The following GABRG3 variants were observed in gnomAD, a reference collection of about 807,000 sequenced individuals.
GABRG3 encodes the protein gamma-aminobutyric acid type A receptor subunit gamma3, also known as gamma-aminobutyric acid receptor subunit gamma-3.
A neutral mutation model predicts 48.8 loss-of-function variants in GABRG3; 25 were observed. That is an observed-to-expected ratio of 0.51 (90% confidence interval 0.37 to 0.72). The LOEUF (loss-of-function observed/expected upper bound fraction) is 0.72. GABRG3 is among the 30% of genes least tolerant of loss of function. GABRG3 has a pLI of 0.00. For synonymous variants in GABRG3, 227 were observed against 217.6 expected (o/e 1.04, Z -0.38); for missense variants, 394 against 577.9 (o/e 0.68, Z 3.26).
At chr15:27,370,615 G>C (rs77051027) in intron 5 of GABRG3, among the ~76,000 whole-genome samples, 3,122 of 152,266 alleles carry the variant, frequency 0.021, 105 homozygotes, top group African/African-American at 0.071. Flanking sequence ...CCACCTCAGA[G>C]GAGGAGTAGG....
At chr15:27,513,072 C>T (rs1272899242) in intron 6 of GABRG3, among the ~76,000 whole-genome samples, 1 of 151,684 alleles carries the variant, frequency 6.6e-6, no homozygotes, top group African/African-American at 2.4e-5. Context: ...GAAACATAGA[C>T]AGAGATGAAA....
intron 3 of GABRG3, among the ~76,000 whole-genome samples, chr15:27,132,869 A>G (rs951123159): frequency 3.3e-5 from 5 of 150,348 alleles, no homozygotes; most frequent in African/African-American, 1.2e-4. Flanking sequence ...TTCTTTTTCC[A>G]GTTCCTTAGA....
intron 3 of GABRG3, among the ~76,000 whole-genome samples, chr15:27,054,197 C>G (rs1267648628): frequency 6.6e-6 from 1 of 151,614 alleles, no homozygotes; most frequent in African/African-American, 2.4e-5. Context: ...CGAGATCGCA[C>G]CACTATACTC....
chr15:27,220,091 T>C (rs1489890103), intron 3 of GABRG3, among the ~76,000 whole-genome samples: 3 of 152,142 alleles, frequency 2.0e-5, no homozygotes, highest in African/African-American at 7.2e-5. Context: ...GATGGGCAGC[T>C]CACACCTAAC....
intron 5 of GABRG3, among the ~76,000 whole-genome samples, chr15:27,431,787 T>C (rs1566838072): frequency 6.6e-6 from 1 of 152,236 alleles, no homozygotes; most frequent in Non-Finnish European, 1.5e-5. Context: ...TTTTATCCTT[T>C]ATTCTATTAA....
intron 3 of GABRG3, among the ~76,000 whole-genome samples, chr15:27,198,480 A>G (rs1888578119): frequency 1.3e-5 from 2 of 152,220 alleles, no homozygotes; most frequent in South Asian, 4.1e-4. Flanking sequence ...GGTGATCATT[A>G]AAATGTCAGG....
chr15:27,167,077 G>A (rs930102972), intron 3 of GABRG3, among the ~76,000 whole-genome samples: 5 of 152,128 alleles, frequency 3.3e-5, no homozygotes, highest in African/African-American at 9.7e-5. Context: ...CTCACATAGA[G>A]CAGGGGCTGT....
intron 3 of GABRG3, among the ~76,000 whole-genome samples, chr15:27,267,404 G>A (rs1890955243): frequency 6.6e-6 from 1 of 151,180 alleles, no homozygotes; most frequent in African/African-American, 2.4e-5. Context: ...ACTGCACCTG[G>A]CCATCTTTTA....
intron 3 of GABRG3, among the ~76,000 whole-genome samples, chr15:27,109,616 T>C (rs1220125142): frequency 6.6e-6 from 1 of 152,190 alleles, no homozygotes; most frequent in African/African-American, 2.4e-5. Context: ...GCGCAGTGGC[T>C]CACAGCCTAT....
At chr15:27,276,095 A>C (rs1383978298) in intron 3 of GABRG3, among the ~76,000 whole-genome samples, 2 of 152,210 alleles carry the variant, frequency 1.3e-5, no homozygotes, top group Non-Finnish European at 2.9e-5. Flanking sequence ...GAGTTGCTTT[A>C]GTAAGGGAGA....
chr15:27,414,951 A>AT (rs1422208468), intron 5 of GABRG3, among the ~76,000 whole-genome samples: 1 of 152,060 alleles, frequency 6.6e-6, no homozygotes, highest in East Asian at 1.9e-4. Flanking sequence ...TGTGAAAGTG[A>AT]TCTGTTCAGG....
chr15:27,428,386 T>C (rs1254575388), intron 5 of GABRG3: 1 of 152,154 alleles, frequency 6.6e-6, no homozygotes, highest in Non-Finnish European at 1.5e-5. Context: ...TCGCCAAGGG[T>C]TATTTTCATC....
chr15:27,196,352 C>T (rs1321644047), intron 3 of GABRG3, among the ~76,000 whole-genome samples: 1 of 152,204 alleles, frequency 6.6e-6, no homozygotes, highest in Non-Finnish European at 1.5e-5. Flanking sequence ...CTCTCTCTCT[C>T]CAGGCCCCTG....
At chr15:27,427,257 A>T (rs1158697307) in intron 5 of GABRG3, among the ~76,000 whole-genome samples, 1 of 152,238 alleles carries the variant, frequency 6.6e-6, no homozygotes, top group East Asian at 1.9e-4. Context: ...TTCTATATAC[A>T]CAATCTTATC....
In GABRG3 at chr15:27,196,419, G is replaced by A. The variant is rs73375529; in HGVS notation, c.271-130390G>A. ...CTGTGAGCTGCTGGGAACTCTCCCA[G>A]GGCTCAGCCTTGCCATTTCTTTGCT... On this transcript the variant is annotated intron_variant, in intron 3 of 9. Transcript: ENST00000615808. Among the ~76,000 whole-genome samples, 1,207 of 152,250 alleles carry A rather than the reference G, an allele frequency of 7.9e-3. 16 individuals carry two copies. Among genetic ancestry groups the A allele is most frequent in the African/African-American group, 0.028 (1,173 of 41,534 alleles).
At chr15:27,301,600 TTACA>T (rs1230066359) in intron 3 of GABRG3, among the ~76,000 whole-genome samples, 1 of 152,092 alleles carries the variant, frequency 6.6e-6, no homozygotes, top group African/African-American at 2.4e-5. Flanking sequence ...TAACTTAATG[TTACA>T]TATATATGTG....
chr15:27,184,689 C>CT (rs1888037876), intron 3 of GABRG3, among the ~76,000 whole-genome samples: 1 of 152,150 alleles, frequency 6.6e-6, no homozygotes, highest in South Asian at 2.1e-4. Flanking sequence ...TTTAAGGAAG[C>CT]TTTTAAATTA....
At chr15:27,520,648 T>TTTTTTTTTTTTTTTTTTTTTTG (rs1555388880) in intron 7 of GABRG3, among the ~76,000 whole-genome samples, 1 of 141,094 alleles carries the variant, frequency 7.1e-6, no homozygotes, top group African/African-American at 2.8e-5. Context: ...AAAATCTTCT[T>TTTTTTTTTTTTTTTTTTTTTTG]AATAAAACAC....
At chr15:27,440,888 C>G (rs555429610) in intron 5 of GABRG3, among the ~76,000 whole-genome samples, 1 of 152,226 alleles carries the variant, frequency 6.6e-6, no homozygotes, top group African/African-American at 2.4e-5. Flanking sequence ...AATAGTATAC[C>G]CATGGGGTAA....
Sources: gnomAD v4.1 joint callset for allele counts (sites outside exome capture counted in the v4.1 genomes callset) on GRCh38, gnomAD v4.1.1 for gene constraint, MANE v1.5 for transcripts, NCBI Gene and HGNC (gene_info 2026-07-23, HGNC 2026-07-21) for gene names.